PIEZO2: variants seen among roughly 807,000 people sequenced by gnomAD.
The protein encoded by PIEZO2 is piezo-type mechanosensitive ion channel component 2.
A neutral mutation model predicts 337.3 loss-of-function variants in PIEZO2; 172 were observed. The ratio of observed to expected loss-of-function variants is 0.51; its 90% CI spans 0.45 to 0.58. The LOEUF (loss-of-function observed/expected upper bound fraction) is 0.58, where lower values mean the gene tolerates loss of function less well. Among genes scored for constraint, PIEZO2 ranks in the 20% least tolerant of loss-of-function variants. The pLI is 0.00. For synonymous variants in PIEZO2, 1,251 were observed against 1,228.5 expected, an observed-to-expected ratio of 1.02 and a Z score of -0.38; for missense variants, 3,028 against 3,391.3, an observed-to-expected ratio of 0.89 and a Z score of 2.66.
At chr18:11,023,740 G>A (rs988872434) in intron 2 of PIEZO2, among the ~76,000 whole-genome samples, 2 of 152,222 alleles carry the variant, frequency 1.3e-5, no homozygotes, top group Non-Finnish European at 2.9e-5. Flanking sequence ...AGGAGCCCAC[G>A]GAGTTGGGGG....
In PIEZO2 at chr18:10,868,622, G is replaced by C. The variant is rs150507489; in HGVS notation, c.492+2631C>G. On this transcript the variant is annotated intron_variant, in intron 5 of 55. Transcript: ENST00000674853. Reference sequence around the variant, plus strand: ...CTAATAAATAATGTTTAGAGTATCTGTCCATCTTATTGTTATCTTTAAATA... The same window carrying C: ...CTAATAAATAATGTTTAGAGTATCTCTCCATCTTATTGTTATCTTTAAATA... Among the ~76,000 whole-genome samples the C allele has an allele frequency of 3.7e-3, 568 of 152,198 alleles. 6 individuals carry two copies. The highest frequency in any genetic ancestry group is 0.013 in the African/African-American group (553 of 41,512).
rs968792041 is a variant in PIEZO2 at position 11,126,186 on chromosome 18, G to C, written c.64+22339C>G. ...TAGAGACTGGTTGCTTTGGTTTAAA[G>C]TCTCCACCTCACTTTTTTAAAGTCA... On this transcript the variant is annotated intron_variant, in intron 1 of 55. Coordinates refer to ENST00000674853, the MANE Select transcript of PIEZO2 (RefSeq NM_001378183.1). The surrounding 1 kb of genome is among the most constrained non-coding windows in gnomAD (Gnocchi z 4.6). Among the ~76,000 whole-genome samples the C allele has an allele frequency of 6.6e-6, 1 of 152,196 alleles. No homozygotes were observed. The highest frequency in any genetic ancestry group is 2.4e-5 in the African/African-American group (1 of 41,446).
Position 10,714,860 on chromosome 18 carries a change from G to A in PIEZO2, c.5327C>T (p.Ser1776Leu), listed in dbSNP as rs928852286. ...ATGCTCGTCAATGGTGTCCAGTCCCGACTCTCTGGAAAGGTTCATGATGTG... is the reference window on the plus strand; with the variant it reads ...ATGCTCGTCAATGGTGTCCAGTCCCAACTCTCTGGAAAGGTTCATGATGTG... Reference protein sequence around the residue: ...QNHIMNLSRESGLDTIDEHPG... With the variant: ...QNHIMNLSRELGLDTIDEHPG... The change falls in exon 39 of 56, where the codon TCG becomes TTG. Residue 1776 changes from serine (S) to leucine (L), a missense_variant. Coordinates refer to ENST00000674853, the MANE Select transcript of PIEZO2 (RefSeq NM_001378183.1). The A allele has an allele frequency of 1.4e-5, 22 of 1,537,090 alleles. No homozygotes were observed. Among genetic ancestry groups the A allele is most frequent in the South Asian group, 1.2e-4 (10 of 84,056 alleles).
At chr18:10,756,233 C>A (rs145120709) in intron 27 of PIEZO2, among the ~76,000 whole-genome samples, 409 of 140,732 alleles carry the variant, frequency 2.9e-3, no homozygotes, top group African/African-American at 0.01. Flanking sequence ...CAAGGATAAG[C>A]TATGAAGATG....
chr18:10,773,940 A>C lies in PIEZO2; in HGVS notation c.2567+66T>G. ...CCAGAGGAGAAAATGGTCAGAGTTT[A>C]GGGTGTAGAAGCATGAAATGGCATC... is the stretch of plus-strand genomic sequence containing the variant. On this transcript the variant is annotated intron_variant, in intron 19 of 55. Coordinates refer to ENST00000674853, the MANE Select transcript of PIEZO2 (RefSeq NM_001378183.1). The surrounding 1 kb of genome is among the most constrained non-coding windows in gnomAD (Gnocchi z 5.3). The C allele has an allele frequency of 1.4e-6, 1 of 696,478 alleles. No individual in the cohort carries two copies. 43.1% of individuals were successfully genotyped at this position (696,478 alleles called of 1,614,324 possible). A position where few individuals can be genotyped will look rare whatever the true frequency, so the allele number is the denominator to read the frequency against.
chr18:10,801,444 C>T lies in PIEZO2; in HGVS notation c.1201-16G>A, dbSNP rs1466761649. 3 of 1,499,056 alleles carry T rather than the reference C, an allele frequency of 2.0e-6. No individual in the cohort carries two copies. The highest frequency in any genetic ancestry group is 2.7e-6 in the Non-Finnish European group (3 of 1,111,986). The allele number at this position is 1,499,056 out of a possible 1,614,324, so 92.9% of individuals were successfully genotyped here. On this transcript the variant is annotated splice_polypyrimidine_tract_variant and intron_variant, in intron 9 of 55. Transcript: ENST00000674853. The stretch of plus-strand genomic sequence containing the variant: ...TGGATAAAAGCTGCAAAAAGCAATG[C>T]GGGAAAGCATGTTAGTAAGGAAGCT...
At chr18:10,797,599 C>G in intron 11 of PIEZO2, 77 bp from the exon 12 acceptor site, 1 of 1,502,276 alleles carries the variant, frequency 6.7e-7, no homozygotes. Flanking sequence ...CAATGCAGCA[C>G]ATGTATGGTT....
intron 22 of PIEZO2, 118 bp downstream of exon 22, chr18:10,762,804 G>T: frequency 7.4e-7 from 1 of 1,348,876 alleles, no homozygotes; most frequent in Admixed American, 2.4e-5. Flanking sequence ...GACCAGCCAG[G>T]GAGAGGTGAC....
chr18:11,119,876 A>C (rs951007881), intron 1 of PIEZO2, among the ~76,000 whole-genome samples: 3 of 152,380 alleles, frequency 2.0e-5, no homozygotes, highest in African/African-American at 7.2e-5. Flanking sequence ...AGAATATGAG[A>C]ACAATGAAAA....
intron 4 of PIEZO2, among the ~76,000 whole-genome samples, chr18:10,880,370 A>T (rs185695209): frequency 5.3e-5 from 8 of 152,344 alleles, no homozygotes; most frequent in Non-Finnish European, 2.9e-5. Context: ...CTCACCTTAC[A>T]AAGTGACTTC....
intron 4 of PIEZO2, among the ~76,000 whole-genome samples, chr18:10,875,210 A>G (rs900817285): frequency 6.6e-6 from 1 of 152,210 alleles, no homozygotes. Context: ...AGGTCTTAAA[A>G]TACAGCAAAT....
Position 10,828,296 on chromosome 18 carries a change from C to G in PIEZO2, c.918-21022G>C, listed in dbSNP as rs889481455. Among the ~76,000 whole-genome samples, 1 of 152,024 alleles carries G rather than the reference C, an allele frequency of 6.6e-6. No homozygotes were observed. The highest frequency in any genetic ancestry group is 1.5e-5 in the Non-Finnish European group (1 of 67,990). On this transcript the variant is annotated intron_variant, in intron 7 of 55. Coordinates refer to ENST00000674853, the MANE Select transcript of PIEZO2 (RefSeq NM_001378183.1). This position sits in a 1 kb window ranked among gnomAD's most constrained non-coding sequence, Gnocchi z 4.1. ...GCTTGTCAATAATGGAAAATTTCCC[C>G]AAGTCCAACAATTTAAAGTTATTAA...
rs929531612 is a variant in PIEZO2 at position 10,750,553 on chromosome 18, C to A, written c.4168-366G>T. ...TTTGGTAGAGTTATTTTCTTACAAGCCAGACACATATAACCTATGCTCTTC... is the reference window on the plus strand; with the variant it reads ...TTTGGTAGAGTTATTTTCTTACAAGACAGACACATATAACCTATGCTCTTC... On this transcript the variant is annotated intron_variant, in intron 28 of 55. Transcript: ENST00000674853. The surrounding 1 kb of genome is among the most constrained non-coding windows in gnomAD (Gnocchi z 4.1). Among the ~76,000 whole-genome samples, 1 of 152,142 alleles carries A rather than the reference C, an allele frequency of 6.6e-6. No individual in the cohort carries two copies. Among genetic ancestry groups the A allele is most frequent in the Non-Finnish European group, 1.5e-5 (1 of 68,034 alleles).
At chr18:11,089,607 G>A (rs11662041) in intron 1 of PIEZO2, among the ~76,000 whole-genome samples, 86,826 of 151,996 alleles carry the variant, frequency 0.57, 26,249 homozygotes, top group African/African-American at 0.78. Context: ...TGGTAGGCAC[G>A]CGTTAAATCC....
chr18:10,681,513 G>C, intron 51 of PIEZO2, 148 bp downstream of exon 51: 1 of 565,674 alleles, frequency 1.8e-6, no homozygotes, highest in South Asian at 2.9e-5. Flanking sequence ...AAAGTAGCCA[G>C]TGGCCAGGAA....
At position 10,856,568 on chromosome 18, in the gene PIEZO2, T is replaced by C. The variant is rs1252147650; in HGVS notation, c.703+433A>G. Among the ~76,000 whole-genome samples the C allele has an allele frequency of 2.0e-5, 3 of 152,060 alleles. No individual in the cohort carries two copies. The highest frequency in any genetic ancestry group is 4.4e-5 in the Non-Finnish European group (3 of 68,024). ...TTACAATCTAACTTAGGAAGAAAAA[T>C]AGTCTATCCTGGAGAGTTATATTAA... On this transcript the variant is annotated intron_variant, in intron 6 of 55. Transcript: ENST00000674853. This position sits in a 1 kb window ranked among gnomAD's most constrained non-coding sequence, Gnocchi z 4.7.
chr18:11,124,110 AT>A (rs1429950522), intron 1 of PIEZO2, among the ~76,000 whole-genome samples: 19 of 152,366 alleles, frequency 1.2e-4, no homozygotes, highest in African/African-American at 4.6e-4. Flanking sequence ...GTAAGTATAT[AT>A]AATATTGTGC....
chr18:10,877,615 T>C lies in PIEZO2; in HGVS notation c.330-6200A>G, dbSNP rs147093082. 6.6e-6 allele frequency among the ~76,000 whole-genome samples: 1 copy of C among 152,272 alleles called. No homozygotes were observed. Among genetic ancestry groups the C allele is most frequent in the Non-Finnish European group, 1.5e-5 (1 of 68,020 alleles). ...CTGAAAGACTGGAGGAGATTCTGACTTCTAACGTCTCCTTTCCCAGCCCTC... is the reference window on the plus strand; with the variant it reads ...CTGAAAGACTGGAGGAGATTCTGACCTCTAACGTCTCCTTTCCCAGCCCTC... On this transcript the variant is annotated intron_variant, in intron 4 of 55. Transcript: ENST00000674853. This position sits in a 1 kb window ranked among gnomAD's most constrained non-coding sequence, Gnocchi z 5.3.
intron 2 of PIEZO2, among the ~76,000 whole-genome samples, chr18:11,058,411 C>T (rs562732755): frequency 6.6e-5 from 10 of 152,286 alleles, no homozygotes; most frequent in South Asian, 6.2e-4. Flanking sequence ...AGCAATGGAA[C>T]AAAGCTGGAC....
Sources: allele counts gnomAD v4.1 joint callset (sites outside exome capture counted in the v4.1 genomes callset), GRCh38; gene constraint gnomAD v4.1.1; non-coding constraint Gnocchi (gnomAD v3.1); transcripts MANE v1.5; gene names NCBI Gene and HGNC (gene_info 2026-07-23, HGNC 2026-07-21).